Variants in USP42 observed in about 807,000 individuals in gnomAD.
USP42 encodes the protein ubiquitin carboxyl-terminal hydrolase 42.
In USP42, 23 loss-of-function variants were observed where a neutral mutation model predicts 113.0. That is an observed-to-expected ratio of 0.20 (90% CI 0.15 to 0.29). The LOEUF (loss-of-function observed/expected upper bound fraction) is 0.29, where lower values mean the gene tolerates loss of function less well. Ranked by LOEUF, USP42 falls within the 10% of genes least tolerant of loss-of-function variation. The pLI is 1.00. For missense variants in USP42, 2,174 were observed against 1,779.8 expected, an observed-to-expected ratio of 1.22 and a Z score of -3.99; for synonymous variants, 933 against 699.0, an observed-to-expected ratio of 1.33 and a Z score of -5.28.
At chr7:6,136,704 T>C (rs1419954435) in intron 4 of USP42, among the ~76,000 whole-genome samples, 1 of 152,194 alleles carries the variant, frequency 6.6e-6, no homozygotes, top group African/African-American at 2.4e-5. Context: ...ATAAAGTTAA[T>C]TAGGCTACTC....
rs925810382 is a variant in USP42, at chr7:6,159,223, T to C, written c.3944-227T>C. Among the ~76,000 whole-genome samples the C allele has an allele frequency of 6.6e-6, 1 of 152,124 alleles. No individual in the cohort carries two copies. The highest frequency in any genetic ancestry group is 2.4e-5 in the African/African-American group (1 of 41,426). ...GTTCTAACATCAGGCTGCGTGTGGGTTGGATGGAGCCCTCAGTCATCACGT... is the reference window on the plus strand; with the variant it reads ...GTTCTAACATCAGGCTGCGTGTGGGCTGGATGGAGCCCTCAGTCATCACGT... On this transcript the variant is annotated intron_variant, in intron 16 of 17. Transcript: ENST00000306177. The surrounding 1 kb of genome is among the most constrained non-coding windows in gnomAD (Gnocchi z 4.1).
At chr7:6,097,405 T>C in the USP42 span, among the ~76,000 whole-genome samples, 1 of 146,762 alleles carries the variant, frequency 6.8e-6, no homozygotes. Flanking sequence ...TTTTTTTTTT[T>C]TTGGAGACAG....
At chr7:6,094,808 CTTT>C in the USP42 span, among the ~76,000 whole-genome samples, 1 of 139,798 alleles carries the variant, frequency 7.2e-6, no homozygotes, top group Non-Finnish European at 1.5e-5. Context: ...TTCCACTTGG[CTTT>C]TTTTTTTTTT....
chr7:6,081,498 C>A, the USP42 span, among the ~76,000 whole-genome samples: 1 of 152,200 alleles, frequency 6.6e-6, no homozygotes, highest in African/African-American at 2.4e-5. Context: ...TTGCCGTCCA[C>A]CCCGGAAGTA....
chr7:6,110,629 T>G (rs1352865908), intron 1 of USP42, among the ~76,000 whole-genome samples: 2 of 152,224 alleles, frequency 1.3e-5, no homozygotes, highest in East Asian at 3.8e-4. Flanking sequence ...GTATTTCACT[T>G]GGTGCCATTT....
the USP42 span, among the ~76,000 whole-genome samples, chr7:6,092,045 TTC>T: frequency 0.013 from 1,015 of 78,296 alleles, 8 homozygotes; most frequent in Admixed American, 0.02. Flanking sequence ...CTTCTTCTTC[TTC>T]TTCTTCTTTC....
At chr7:6,108,657 T>A (rs1204740342) in intron 1 of USP42, among the ~76,000 whole-genome samples, 5 of 152,112 alleles carry the variant, frequency 3.3e-5, no homozygotes, top group Non-Finnish European at 7.4e-5. Context: ...ATTTTTGTAT[T>A]TTCAGTAGAG....
At chr7:6,103,361 A>G (rs1349830955), upstream of USP42, among the ~76,000 whole-genome samples, 2 of 150,392 alleles carry the variant, frequency 1.3e-5, no homozygotes, top group East Asian at 3.9e-4. Flanking sequence ...ACATGGTGAA[A>G]CTCTGTCTCT....
chr7:6,088,277 C>T, the USP42 span, among the ~76,000 whole-genome samples: 54 of 150,776 alleles, frequency 3.6e-4, no homozygotes, highest in South Asian at 5.2e-3. Flanking sequence ...CTTTTTGCGA[C>T]GGAGTCTTGA....
intron 1 of USP42, among the ~76,000 whole-genome samples, chr7:6,106,492 G>T (rs1276123992): frequency 5.3e-5 from 8 of 152,192 alleles, no homozygotes; most frequent in Non-Finnish European, 1.2e-4. Flanking sequence ...AAAGCTTTGA[G>T]TAAGACTAGT....
At chr7:6,100,004 C>CTATTTTTATTTTTAT (rs141280623), upstream of USP42, among the ~76,000 whole-genome samples, 1 of 144,290 alleles carries the variant, frequency 6.9e-6, no homozygotes, top group East Asian at 2.0e-4. Context: ...TTTCACAAGT[C>CTATTTTTATTTTTAT]TATTATTATT....
the USP42 span, among the ~76,000 whole-genome samples, chr7:6,089,388 G>A: frequency 6.6e-6 from 1 of 150,436 alleles, no homozygotes; most frequent in African/African-American, 2.5e-5. Flanking sequence ...CTGGGAGGGG[G>A]AGTTTCTTTC....
intron 3 of USP42, among the ~76,000 whole-genome samples, chr7:6,134,982 G>T (rs1167489780): frequency 6.6e-6 from 1 of 152,046 alleles, no homozygotes; most frequent in Non-Finnish European, 1.5e-5. Flanking sequence ...TAGAGACAGG[G>T]TTTGACCATG....
intron 15 of USP42, 95 bp downstream of exon 15, chr7:6,155,290 C>T (rs1043520098): frequency 3.0e-5 from 43 of 1,436,920 alleles, no homozygotes; most frequent in Non-Finnish European, 3.9e-5. Flanking sequence ...AGTGACCAGC[C>T]AGGCCACAGT....
chr7:6,105,508 G>T (rs1346098392), intron 1 of USP42, among the ~76,000 whole-genome samples: 1 of 139,754 alleles, frequency 7.2e-6, no homozygotes, highest in Non-Finnish European at 1.6e-5. Flanking sequence ...CCGCCCCGGA[G>T]CCCCCTCAGA....
chr7:6,143,519 T>G (rs1781542162), intron 8 of USP42, among the ~76,000 whole-genome samples: 1 of 152,190 alleles, frequency 6.6e-6, no homozygotes, highest in African/African-American at 2.4e-5. Context: ...AGAGTGCCTA[T>G]TTTAAGAAAG....
At chr7:6,089,690 G>A in the USP42 span, among the ~76,000 whole-genome samples, 9 of 149,784 alleles carry the variant, frequency 6.0e-5, 1 homozygote, top group African/African-American at 1.5e-4. Context: ...GCACCACCAC[G>A]CCTGGCTAAT....
chr7:6,151,937 CTGT>C (rs948444073), intron 14 of USP42, among the ~76,000 whole-genome samples: 2 of 152,048 alleles, frequency 1.3e-5, no homozygotes, highest in South Asian at 2.1e-4. Flanking sequence ...CATATGTGGT[CTGT>C]TGTTGACCGT....
rs1782306024 is a variant in USP42, at chr7:6,154,606, A to T, written c.3052A>T (p.Ser1018Cys). ...CGAGCGCCGCTCTCTGGGCAGGTGC[A>T]GTCACCACCACTCCCGACACCGGAG... ...PGERRSLGRC[S>C]HHHSRHRSGV... is the part of the protein sequence containing the mutation. Residue 1018 changes from serine (S) to cysteine (C), a missense_variant, in exon 15 of 18, where the codon AGT becomes TGT. By Grantham distance (112) the Ser-to-Cys change is moderately radical. Coordinates refer to ENST00000306177, the MANE Select transcript of USP42 (RefSeq NM_032172.3). The T allele has an allele frequency of 6.3e-7, 1 of 1,588,776 alleles. No individual in the cohort carries two copies. Among genetic ancestry groups the T allele is most frequent in the African/African-American group, 1.3e-5 (1 of 74,354 alleles).
Sources: gnomAD v4.1 joint callset for allele counts (sites outside exome capture counted in the v4.1 genomes callset) on GRCh38, gnomAD v4.1.1 for gene constraint, Gnocchi (gnomAD v3.1) non-coding constraint, MANE v1.5 for transcripts, NCBI Gene and HGNC (gene_info 2026-07-23, HGNC 2026-07-21) for gene names.